CREB3L2: variants seen among roughly 807,000 people sequenced by gnomAD.
CREB3L2 encodes the protein cAMP responsive element binding protein 3 like 2.
A neutral mutation model predicts 57.2 loss-of-function variants in CREB3L2; 23 were observed. The observed-to-expected ratio is 0.40, with a 90% CI of 0.29 to 0.57. The LOEUF (loss-of-function observed/expected upper bound fraction) is 0.57. Ranked by LOEUF, CREB3L2 falls within the 20% of genes least tolerant of loss-of-function variation. CREB3L2 has a pLI of 0.42. For synonymous variants in CREB3L2, 268 were observed against 265.1 expected (o/e 1.01, Z -0.11); for missense variants, 628 against 634.7 (o/e 0.99, Z 0.11).
chr7:137,896,011 A>T (rs1472610035), intron 8 of CREB3L2, among the ~76,000 whole-genome samples: 4 of 152,116 alleles, frequency 2.6e-5, no homozygotes, highest in Non-Finnish European at 5.9e-5. Flanking sequence ...CTGCCCAAAC[A>T]CTGGTCACCT....
intron 1 of CREB3L2, among the ~76,000 whole-genome samples, chr7:137,986,993 C>A (rs920117912): frequency 2.0e-5 from 3 of 152,234 alleles, no homozygotes; most frequent in African/African-American, 7.2e-5. Flanking sequence ...CAGCTGTTCG[C>A]CTGGAGCTGG....
At chr7:137,931,458 C>T (rs895709340) in intron 1 of CREB3L2, among the ~76,000 whole-genome samples, 3 of 145,480 alleles carry the variant, frequency 2.1e-5, no homozygotes, top group African/African-American at 7.7e-5. Context: ...GGAGGCGGAG[C>T]TTGCAGTGAG....
intron 1 of CREB3L2, among the ~76,000 whole-genome samples, chr7:137,931,123 T>G (rs1800607118): frequency 6.6e-6 from 1 of 151,516 alleles, no homozygotes; most frequent in Non-Finnish European, 1.5e-5. Context: ...TCCTAGCTAC[T>G]CAGGAGGGTG....
chr7:137,886,795 A>C (rs1012232657), intron 8 of CREB3L2, among the ~76,000 whole-genome samples: 1 of 152,028 alleles, frequency 6.6e-6, no homozygotes, highest in Non-Finnish European at 1.5e-5. Context: ...GCAAAGTTTG[A>C]GGGATAAGAA....
intron 10 of CREB3L2, 62 bp downstream of exon 10, chr7:137,884,933 G>A: frequency 6.2e-7 from 1 of 1,601,334 alleles, no homozygotes; most frequent in Non-Finnish European, 8.6e-7. Context: ...TTGGAAGACT[G>A]AGAAACCCAG....
At chr7:137,969,340 C>CTTTTTTTTTTT (rs71177936) in intron 1 of CREB3L2, among the ~76,000 whole-genome samples, 1 of 77,070 alleles carries the variant, frequency 1.3e-5, no homozygotes, top group African/African-American at 5.5e-5. Context: ...TTATGATCTT[C>CTTTTTTTTTTT]TTTTTTTTTT....
chr7:137,892,174 G>A (rs1036340524), intron 8 of CREB3L2, among the ~76,000 whole-genome samples: 1 of 152,122 alleles, frequency 6.6e-6, no homozygotes, highest in African/African-American at 2.4e-5. Flanking sequence ...CAATATCAGA[G>A]GGCATTGTAT....
intron 1 of CREB3L2, among the ~76,000 whole-genome samples, chr7:137,965,577 CA>C (rs1210177726): frequency 6.6e-6 from 1 of 152,104 alleles, no homozygotes; most frequent in African/African-American, 2.4e-5. Context: ...AGTTATTTTA[CA>C]AAGAACCCTG....
At chr7:137,974,809 A>G (rs988810805) in intron 1 of CREB3L2, among the ~76,000 whole-genome samples, 3 of 152,182 alleles carry the variant, frequency 2.0e-5, no homozygotes. Flanking sequence ...GTTTGACTGC[A>G]CCATTTGCTG....
intron 1 of CREB3L2, among the ~76,000 whole-genome samples, chr7:137,991,354 C>T (rs530171728): frequency 2.4e-4 from 37 of 151,700 alleles, no homozygotes; most frequent in Non-Finnish European, 4.3e-4. Flanking sequence ...TTAGTAGAGA[C>T]GGGATTTCAC....
At chr7:137,925,833 GTGACT>G (rs1340072182) in intron 2 of CREB3L2, among the ~76,000 whole-genome samples, 1 of 152,198 alleles carries the variant, frequency 6.6e-6, no homozygotes, top group Non-Finnish European at 1.5e-5. Flanking sequence ...GCCTAGGAAA[GTGACT>G]TTTACTCAGA....
chr7:137,908,766 G>C (rs897628645), intron 4 of CREB3L2, among the ~76,000 whole-genome samples: 1 of 152,126 alleles, frequency 6.6e-6, no homozygotes, highest in African/African-American at 2.4e-5. Context: ...CTGAGGTCAG[G>C]AGTTTGTGAC....
intron 1 of CREB3L2, among the ~76,000 whole-genome samples, chr7:137,985,166 G>A (rs148649806): frequency 1.4e-4 from 21 of 152,316 alleles, no homozygotes; most frequent in African/African-American, 4.3e-4. Context: ...AAGGGGGAAG[G>A]GGGCCCATTC....
chr7:137,913,966 C>A (rs1191530470), intron 3 of CREB3L2, among the ~76,000 whole-genome samples: 2 of 152,020 alleles, frequency 1.3e-5, no homozygotes, highest in African/African-American at 2.4e-5. Flanking sequence ...GGGAGTTTTC[C>A]CTGCCTGCAA....
intron 1 of CREB3L2, among the ~76,000 whole-genome samples, chr7:137,939,306 G>C (rs1467751518): frequency 6.6e-6 from 1 of 152,116 alleles, no homozygotes; most frequent in Non-Finnish European, 1.5e-5. Context: ...CCTGGAGTAG[G>C]GCAGGACCCC....
chr7:137,959,197 G>T (rs1253860201), intron 1 of CREB3L2, among the ~76,000 whole-genome samples: 1 of 152,210 alleles, frequency 6.6e-6, no homozygotes, highest in Non-Finnish European at 1.5e-5. Context: ...TTCTGCAATG[G>T]CATTTCGAGT....
chr7:137,983,432 C>A (rs769359887), intron 1 of CREB3L2, among the ~76,000 whole-genome samples: 6 of 152,190 alleles, frequency 3.9e-5, no homozygotes, highest in Non-Finnish European at 7.4e-5. Flanking sequence ...TAGACATGTT[C>A]CAATAAATCT....
intron 1 of CREB3L2, among the ~76,000 whole-genome samples, chr7:137,976,049 T>C (rs1464540724): frequency 6.6e-6 from 1 of 152,212 alleles, no homozygotes; most frequent in Middle Eastern, 3.2e-3. Context: ...CATCTCCAAT[T>C]AGGGAATCAG....
At chr7:137,896,996 G>A (rs897845283) in intron 8 of CREB3L2, among the ~76,000 whole-genome samples, 8 of 152,172 alleles carry the variant, frequency 5.3e-5, no homozygotes, top group African/African-American at 1.9e-4. Context: ...CAAACTTTCA[G>A]TTATAAGGTA....
Sources: gnomAD v4.1 joint callset for allele counts (sites outside exome capture counted in the v4.1 genomes callset) on GRCh38, gnomAD v4.1.1 for gene constraint, MANE v1.5 for transcripts, NCBI Gene and HGNC (gene_info 2026-07-23, HGNC 2026-07-21) for gene names.